ADGRL3: variants seen among roughly 807,000 people sequenced by gnomAD.
The protein encoded by ADGRL3 is calcium-independent alpha-latrotoxin receptor 3.
In ADGRL3, 62 loss-of-function variants were observed where a neutral mutation model predicts 153.5. The observed-to-expected ratio is 0.40, with a 90% CI of 0.33 to 0.50. The LOEUF is 0.50. Among genes scored for constraint, ADGRL3 ranks in the 20% least tolerant of loss-of-function variants. The pLI is 0.47. For missense variants in ADGRL3, 1,641 were observed against 1,859.4 expected, an observed-to-expected ratio of 0.88 and a Z score of 2.16; for synonymous variants, 710 against 672.5, an observed-to-expected ratio of 1.06 and a Z score of -0.86.
At chr4:61,497,730 T>C (rs1345448297) in intron 3 of ADGRL3, among the ~76,000 whole-genome samples, 4 of 151,556 alleles carry the variant, frequency 2.6e-5, no homozygotes, top group East Asian at 2.0e-4. Context: ...TTCACAGTGT[T>C]AGCCAGGATG....
chr4:61,601,083 T>C (rs1180375467), intron 5 of ADGRL3, among the ~76,000 whole-genome samples: 2 of 152,192 alleles, frequency 1.3e-5, no homozygotes, highest in Non-Finnish European at 2.9e-5. Context: ...ATCTTTTCCC[T>C]ATCCCACTCC....
chr4:61,864,847 C>T (rs1225102281), intron 9 of ADGRL3, among the ~76,000 whole-genome samples: 2 of 152,094 alleles, frequency 1.3e-5, no homozygotes, highest in African/African-American at 4.8e-5. Context: ...TTTTGGAAAA[C>T]AGGTAAAATT....
chr4:61,880,436 T>G, intron 9 of ADGRL3, among the ~76,000 whole-genome samples: 1 of 152,144 alleles, frequency 6.6e-6, no homozygotes, highest in East Asian at 1.9e-4. Context: ...TAGTCTGGAG[T>G]GTTAATCAAA....
intron 1 of ADGRL3, among the ~76,000 whole-genome samples, chr4:61,232,312 ATTT>A (rs71664985): frequency 1.4e-5 from 2 of 147,156 alleles, no homozygotes; most frequent in East Asian, 4.0e-4. Flanking sequence ...ATGTCACTTC[ATTT>A]TTTTTTTTTT....
intron 5 of ADGRL3, among the ~76,000 whole-genome samples, chr4:61,624,272 C>A (rs915146922): frequency 1.3e-5 from 2 of 152,042 alleles, no homozygotes; most frequent in Non-Finnish European, 2.9e-5. Flanking sequence ...AGTAGATATT[C>A]AAACTGGAGT....
intron 2 of ADGRL3, among the ~76,000 whole-genome samples, chr4:61,414,299 A>G (rs569305933): frequency 4.5e-4 from 68 of 152,328 alleles, no homozygotes; most frequent in African/African-American, 1.5e-3. Context: ...TAAACTTTTC[A>G]GTAAGCAATG....
chr4:61,678,509 A>G (rs1388856116), intron 6 of ADGRL3, among the ~76,000 whole-genome samples: 1 of 152,006 alleles, frequency 6.6e-6, no homozygotes, highest in Non-Finnish European at 1.5e-5. Flanking sequence ...CTGAAATATC[A>G]TCTACTTAAA....
At chr4:61,664,034 T>C (rs1340929148) in intron 5 of ADGRL3, among the ~76,000 whole-genome samples, 1 of 152,196 alleles carries the variant, frequency 6.6e-6, no homozygotes, top group Non-Finnish European at 1.5e-5. Context: ...GTATATGATA[T>C]GTTCTGGCTT....
chr4:61,909,304 A>G (rs1372054502), intron 11 of ADGRL3, among the ~76,000 whole-genome samples: 2 of 152,178 alleles, frequency 1.3e-5, no homozygotes, highest in African/African-American at 4.8e-5. Context: ...CCAAATAGAT[A>G]ATTAAGGTAA....
intron 6 of ADGRL3, among the ~76,000 whole-genome samples, chr4:61,713,481 C>A (rs956062977): frequency 8.6e-5 from 13 of 151,886 alleles, no homozygotes; most frequent in African/African-American, 3.1e-4. Flanking sequence ...CGCCCTTGAT[C>A]TAATTCTAGG....
At chr4:61,744,986 A>G (rs1039848455) in intron 8 of ADGRL3, among the ~76,000 whole-genome samples, 2 of 152,190 alleles carry the variant, frequency 1.3e-5, no homozygotes, top group African/African-American at 4.8e-5. Context: ...AGGCGAGTGT[A>G]TAACTAGAAT....
intron 3 of ADGRL3, among the ~76,000 whole-genome samples, chr4:61,497,828 A>C (rs546616263): frequency 1.3e-5 from 2 of 151,950 alleles, no homozygotes; most frequent in East Asian, 1.9e-4. Context: ...CCAGCCCATA[A>C]TGTGTATTTT....
At chr4:62,012,774 G>A (rs531310628) in intron 21 of ADGRL3, among the ~76,000 whole-genome samples, 193 of 152,180 alleles carry the variant, frequency 1.3e-3, no homozygotes, top group African/African-American at 4.5e-3. Context: ...TAATATTTTA[G>A]ATTATGAACT....
At chr4:61,306,307 C>G (rs941099437) in intron 1 of ADGRL3, among the ~76,000 whole-genome samples, 5 of 151,986 alleles carry the variant, frequency 3.3e-5, no homozygotes, top group African/African-American at 1.2e-4. Flanking sequence ...ACCGTGTTAG[C>G]CAGGATGGTC....
chr4:61,243,845 A>C (rs1379083492), intron 1 of ADGRL3, among the ~76,000 whole-genome samples: 2 of 152,106 alleles, frequency 1.3e-5, no homozygotes, highest in African/African-American at 4.8e-5. Flanking sequence ...AATAAGTTAA[A>C]GGACATTATT....
At chr4:61,339,182 T>C (rs1475972469) in intron 1 of ADGRL3, among the ~76,000 whole-genome samples, 1 of 152,188 alleles carries the variant, frequency 6.6e-6, no homozygotes, top group Non-Finnish European at 1.5e-5. Flanking sequence ...ATTAAATGAT[T>C]ATAAGAGTAG....
rs541281078 is a variant in ADGRL3, at chr4:61,978,538, A to G, written c.2806-1025A>G. ...AGGAAAAGAATTGACAGTCATAAAC[A>G]ATTTCTCAACTTTGCTCCGACATCT... On this transcript the variant is annotated intron_variant, in intron 17 of 26. Coordinates refer to ENST00000683033, the MANE Select transcript of ADGRL3 (RefSeq NM_001387552.1). Among the ~76,000 whole-genome samples the G allele has an allele frequency of 8.5e-5, 13 of 152,328 alleles. No homozygotes were observed. The South Asian group carries it at 2.7e-3, about 32-fold the overall frequency.
At position 61,355,518 on chromosome 4, in the gene ADGRL3, A is replaced by G. The variant is rs1460932482; in HGVS notation, c.-239-27606A>G. Among the ~76,000 whole-genome samples the G allele has an allele frequency of 2.0e-5, 3 of 152,240 alleles. No homozygotes were observed. The East Asian group carries it at 5.8e-4, about 29-fold the overall frequency. ...TTCCTAAATTCTCAGGTGATGGGGCATATCAAAATATGGAAACCTGCACTT... is the reference window on the plus strand; with the variant it reads ...TTCCTAAATTCTCAGGTGATGGGGCGTATCAAAATATGGAAACCTGCACTT... On this transcript the variant is annotated intron_variant, in intron 1 of 26. Coordinates refer to ENST00000683033, the MANE Select transcript of ADGRL3 (RefSeq NM_001387552.1).
At position 61,578,171 on chromosome 4, in the gene ADGRL3, T is replaced by C. The variant is rs139879045; in HGVS notation, c.260-9056T>C. On this transcript the variant is annotated intron_variant, in intron 4 of 26. Coordinates refer to ENST00000683033, the MANE Select transcript of ADGRL3 (RefSeq NM_001387552.1). The stretch of plus-strand genomic sequence containing the variant: ...ATTTCCTAAAAGAAGTTCCCTTTCC[T>C]GTTTTCTCTGTGTGTGACACCCAAG... 2.4e-3 allele frequency among the ~76,000 whole-genome samples: 369 copies of C among 152,196 alleles called. 6 individuals are homozygous for C. Among genetic ancestry groups the C allele is most frequent in the Non-Finnish European group, 1.3e-3 (88 of 67,968 alleles).
Sources: gnomAD v4.1 joint callset for allele counts (sites outside exome capture counted in the v4.1 genomes callset) on GRCh38, gnomAD v4.1.1 for gene constraint, MANE v1.5 for transcripts, NCBI Gene and HGNC (gene_info 2026-07-23, HGNC 2026-07-21) for gene names.